DYRK1A: variants seen among roughly 807,000 people sequenced by gnomAD.
DYRK1A encodes the protein dual specificity tyrosine phosphorylation regulated kinase 1A.
Under a neutral mutation model 79.7 loss-of-function variants are expected in DYRK1A, and 9 were observed. The observed-to-expected ratio is 0.11, with a 90% CI of 0.07 to 0.20. The LOEUF (loss-of-function observed/expected upper bound fraction) is 0.20, where lower values mean the gene tolerates loss of function less well. DYRK1A is among the 10% of genes least tolerant of loss of function. The pLI, the probability that DYRK1A is intolerant of heterozygous loss-of-function variation, is 1.00. For missense variants in DYRK1A, 622 were observed against 956.0 expected (o/e 0.65, Z 4.61); for synonymous variants, 349 against 329.7 (o/e 1.06, Z -0.63).
intron 2 of DYRK1A, among the ~76,000 whole-genome samples, chr21:37,461,476 G>A (rs947815640): frequency 2.0e-5 from 3 of 152,000 alleles, no homozygotes; most frequent in Non-Finnish European, 4.4e-5. Context: ...TACATTTCTG[G>A]TGCTCTTTAT....
intron 2 of DYRK1A, among the ~76,000 whole-genome samples, chr21:37,462,362 GTC>G (rs148058691): frequency 2.0e-4 from 30 of 152,284 alleles, no homozygotes; most frequent in African/African-American, 7.2e-4. Flanking sequence ...GTTTGTTTCA[GTC>G]TCTGTTAGAA....
At chr21:37,506,291 A>T in intron 11 of DYRK1A, 68 bp downstream of exon 11, 1 of 1,612,904 alleles carries the variant, frequency 6.2e-7, no homozygotes, top group Non-Finnish European at 8.5e-7. Context: ...ACTGGATGCC[A>T]GGTGCCTTTA....
At chr21:37,484,671 A>G (rs1156702389) in intron 5 of DYRK1A, among the ~76,000 whole-genome samples, 2 of 152,046 alleles carry the variant, frequency 1.3e-5, no homozygotes, top group Non-Finnish European at 1.5e-5. Flanking sequence ...CTACCATGCA[A>G]ATTGTAGCCA....
intron 2 of DYRK1A, chr21:37,428,808 G>C (rs530756448): frequency 1.3e-5 from 2 of 152,234 alleles, no homozygotes; most frequent in African/African-American, 4.8e-5. Context: ...GGATAGTGTA[G>C]ATCATCTCCT....
At chr21:37,387,914 C>T (rs1031695638) in intron 1 of DYRK1A, among the ~76,000 whole-genome samples, 6 of 151,996 alleles carry the variant, frequency 3.9e-5, no homozygotes, top group East Asian at 3.9e-4. Context: ...TTTTGGATTT[C>T]GTTAAAAAGA....
chr21:37,388,223 T>C (rs907262536), intron 1 of DYRK1A, among the ~76,000 whole-genome samples: 106 of 141,888 alleles, frequency 7.5e-4, no homozygotes, highest in African/African-American at 2.5e-3. Context: ...GCTGGGACTA[T>C]AGGCACATAC....
intron 1 of DYRK1A, among the ~76,000 whole-genome samples, chr21:37,401,481 C>CTT (rs772460097): frequency 4.6e-4 from 62 of 135,032 alleles, no homozygotes; most frequent in Non-Finnish European, 6.5e-4. Flanking sequence ...ATTTCTAGTT[C>CTT]CTTTTTTTTT....
intron 1 of DYRK1A, 60 bp downstream of exon 1, chr21:37,367,688 C>G (rs2049337772): frequency 6.8e-6 from 1 of 146,148 alleles, no homozygotes; most frequent in African/African-American, 2.5e-5. Context: ...CCCGGCGGCC[C>G]GCAGCCGGGC....
intron 1 of DYRK1A, among the ~76,000 whole-genome samples, chr21:37,373,163 T>A (rs932951241): frequency 2.6e-5 from 4 of 152,068 alleles, no homozygotes; most frequent in African/African-American, 4.8e-5. Flanking sequence ...CAAAACAGCT[T>A]CTCCTCGCTT....
rs148320968 is a variant in DYRK1A, at chr21:37,510,086, G to A, written c.1645-1825G>A. Among the ~76,000 whole-genome samples, 347 of 152,304 alleles carry A rather than the reference G, an allele frequency of 2.3e-3. 3 individuals carry two copies. Among genetic ancestry groups the A allele is most frequent in the Non-Finnish European group, 7.5e-4 (51 of 68,026 alleles). On this transcript the variant is annotated intron_variant, in intron 11 of 11. Coordinates refer to ENST00000647188, the MANE Select transcript of DYRK1A (RefSeq NM_001347721.2). ...TCTGCAGTTTCAGGCATCCAGTGGG[G>A]ATCTTGGACTGTATCTCTTGTGGAT...
intron 1 of DYRK1A, among the ~76,000 whole-genome samples, chr21:37,411,845 C>T (rs992035486): frequency 6.6e-6 from 1 of 152,180 alleles, no homozygotes; most frequent in Non-Finnish European, 1.5e-5. Flanking sequence ...TTTTTTCCTG[C>T]ACATAACTAC....
At chr21:37,385,596 C>T (rs770913782) in intron 1 of DYRK1A, among the ~76,000 whole-genome samples, 14 of 152,196 alleles carry the variant, frequency 9.2e-5, no homozygotes, top group Non-Finnish European at 2.1e-4. Context: ...AAACAAGTCA[C>T]AGGTACTGCC....
At chr21:37,494,654 A>G (rs2053204295) in intron 8 of DYRK1A, among the ~76,000 whole-genome samples, 1 of 151,798 alleles carries the variant, frequency 6.6e-6, no homozygotes, top group Non-Finnish European at 1.5e-5. Context: ...GTATTTAATT[A>G]TTTATTGATA....
At chr21:37,507,199 A>G (rs887569844) in intron 11 of DYRK1A, among the ~76,000 whole-genome samples, 4 of 151,642 alleles carry the variant, frequency 2.6e-5, no homozygotes, top group African/African-American at 4.8e-5. Flanking sequence ...CTTCTCCTCT[A>G]CCCCTTTTTT....
intron 7 of DYRK1A, among the ~76,000 whole-genome samples, chr21:37,491,334 A>G (rs1403467580): frequency 6.6e-6 from 1 of 152,152 alleles, no homozygotes; most frequent in African/African-American, 2.4e-5. Context: ...TCACCATTTG[A>G]TAATATTTTA....
chr21:37,432,942 C>T (rs974498963), intron 2 of DYRK1A, among the ~76,000 whole-genome samples: 1 of 148,850 alleles, frequency 6.7e-6, no homozygotes, highest in African/African-American at 2.5e-5. Context: ...CGCCATTGCA[C>T]TCCAGCCTGG....
chr21:37,392,155 G>T (rs1296998668), intron 1 of DYRK1A, among the ~76,000 whole-genome samples: 2 of 152,200 alleles, frequency 1.3e-5, no homozygotes, highest in African/African-American at 2.4e-5. Flanking sequence ...GACAGTTGGG[G>T]AATAAAGCTG....
chr21:37,456,540 C>A (rs1601148285), intron 2 of DYRK1A, among the ~76,000 whole-genome samples: 1 of 152,128 alleles, frequency 6.6e-6, no homozygotes, highest in Non-Finnish European at 1.5e-5. Flanking sequence ...GTTTCCTAAC[C>A]CTGCGTCTTT....
At chr21:37,377,418 AT>A (rs996989302) in intron 1 of DYRK1A, among the ~76,000 whole-genome samples, 3 of 150,438 alleles carry the variant, frequency 2.0e-5, no homozygotes, top group East Asian at 1.9e-4. Flanking sequence ...CGTGCCCCGC[AT>A]TTTTTTTTAC....
Sources: allele counts gnomAD v4.1 joint callset (sites outside exome capture counted in the v4.1 genomes callset), GRCh38; gene constraint gnomAD v4.1.1; transcripts MANE v1.5; gene names NCBI Gene and HGNC (gene_info 2026-07-23, HGNC 2026-07-21).